ASB1: variants seen among roughly 807,000 people sequenced by gnomAD.
ASB1 encodes ankyrin repeat and SOCS box protein 1.
ASB1 carries 18 observed loss-of-function variants against 27.7 expected under a neutral mutation model. The observed-to-expected ratio is 0.65, with a 90% CI of 0.45 to 0.96. The LOEUF is 0.96. Ranked by LOEUF, ASB1 falls within the 50% of genes least tolerant of loss-of-function variation. ASB1 has a pLI of 0.00. For synonymous variants in ASB1, 189 were observed against 187.6 expected (o/e 1.01, Z -0.06); for missense variants, 397 against 451.7 (o/e 0.88, Z 1.10).
chr2:238,427,265 T>A, intron 1 of ASB1, 146 bp downstream of exon 1: 2 of 538,130 alleles, frequency 3.7e-6, no homozygotes, highest in Non-Finnish European at 5.6e-6. Context: ...AGGCCGGGGG[T>A]GGGGTTCAGC....
chr2:238,427,147 G>A, intron 1 of ASB1, 28 bp downstream of exon 1: 3 of 1,233,090 alleles, frequency 2.4e-6, no homozygotes, highest in Non-Finnish European at 3.0e-6. Context: ...ACTGGGCCGC[G>A]GGGCGTGTGG....
chr2:238,442,270 C>G (rs966607989), intron 3 of ASB1, among the ~76,000 whole-genome samples: 13 of 152,080 alleles, frequency 8.5e-5, no homozygotes, highest in African/African-American at 3.1e-4. Flanking sequence ...CACACCCACA[C>G]CCGGCTAATT....
intron 3 of ASB1, among the ~76,000 whole-genome samples, chr2:238,438,700 A>G (rs1181153089): frequency 6.6e-6 from 1 of 152,222 alleles, no homozygotes; most frequent in African/African-American, 2.4e-5. Context: ...TCTGGAAATA[A>G]CTTAGCTTCT....
At chr2:238,446,045 C>T (rs968807444) in intron 4 of ASB1, among the ~76,000 whole-genome samples, 1 of 152,244 alleles carries the variant, frequency 6.6e-6, no homozygotes, top group Non-Finnish European at 1.5e-5. Flanking sequence ...GTCCGCGGCC[C>T]GCACCTGCTG....
rs1702248672 is a variant in ASB1, at chr2:238,449,802, A to G, written c.*3291A>G. 6.6e-6 allele frequency: 1 copy of G among 152,218 alleles called. No homozygotes were observed. Among genetic ancestry groups the G allele is most frequent in the Non-Finnish European group, 1.5e-5 (1 of 68,038 alleles). 9.4% of individuals were successfully genotyped at this position (152,218 alleles called of 1,614,324 possible). ...TTAAAGAGAAGGAACAATTGTTTTT[A>G]GTAAGTTTTCTTTTTCCTTTTTCAA... On this transcript the variant is annotated 3_prime_UTR_variant, in exon 5 of 5. Transcript: ENST00000264607.
Position 238,426,962 on chromosome 2 carries a change from C to A in ASB1, c.-109C>A, listed in dbSNP as rs1017113083. On this transcript the variant is annotated 5_prime_UTR_variant, in exon 1 of 5. Transcript: ENST00000264607. ...GCGCGCGCCCGCCGGAAGCCGCGAC[C>A]CCGACGCGCCCCCCATTGCCCTCGG... 1 of 909,752 alleles carries A rather than the reference C, an allele frequency of 1.1e-6. No homozygotes were observed. Among genetic ancestry groups the A allele is most frequent in the Non-Finnish European group, 1.4e-6 (1 of 697,770 alleles). 56.4% of individuals were successfully genotyped at this position (909,752 alleles called of 1,614,324 possible).
chr2:238,450,486 G>A lies in ASB1; in HGVS notation c.*3975G>A, dbSNP rs1702261736. Reference sequence around the variant, plus strand: ...TGTCAGCCCCAGAATTTCTTCTTAAGTTCGCCTGTCTCTGAAATCCCAAAG... The same window carrying A: ...TGTCAGCCCCAGAATTTCTTCTTAAATTCGCCTGTCTCTGAAATCCCAAAG... On this transcript the variant is annotated 3_prime_UTR_variant, in exon 5 of 5. Coordinates refer to ENST00000264607, the MANE Select transcript of ASB1 (RefSeq NM_001040445.3). 1 of 152,222 alleles carries A rather than the reference G, an allele frequency of 6.6e-6. No homozygotes were observed. Among genetic ancestry groups the A allele is most frequent in the South Asian group, 2.1e-4 (1 of 4,830 alleles). 9.4% of individuals were successfully genotyped at this position (152,222 alleles called of 1,614,324 possible).
At chr2:238,428,256 T>A (rs533304842) in intron 1 of ASB1, among the ~76,000 whole-genome samples, 47 of 152,268 alleles carry the variant, frequency 3.1e-4, no homozygotes, top group Admixed American at 2.4e-3. Context: ...TAAAGAGAGT[T>A]CCTGGGGAAT....
intron 3 of ASB1, among the ~76,000 whole-genome samples, chr2:238,443,566 G>A (rs987230893): frequency 1.3e-5 from 2 of 152,220 alleles, no homozygotes; most frequent in African/African-American, 4.8e-5. Context: ...CTGGAAAGCA[G>A]GAGTCTGTCT....
At chr2:238,438,716 C>G (rs899649297) in intron 3 of ASB1, among the ~76,000 whole-genome samples, 1 of 152,230 alleles carries the variant, frequency 6.6e-6, no homozygotes, top group African/African-American at 2.4e-5. Flanking sequence ...CTTCTGCCTT[C>G]CCTGTGCCAG....
At chr2:238,427,241 G>A in intron 1 of ASB1, 122 bp downstream of exon 1, 1 of 719,240 alleles carries the variant, frequency 1.4e-6, no homozygotes, top group South Asian at 7.2e-5. Context: ...GGCAGCCAGG[G>A]AGCCGCACCC....
At chr2:238,436,957 C>T (rs946491155) in intron 3 of ASB1, among the ~76,000 whole-genome samples, 7 of 152,150 alleles carry the variant, frequency 4.6e-5, no homozygotes, top group Admixed American at 1.3e-4. Flanking sequence ...TCTATCAAAA[C>T]AAGAGTACTA....
intron 3 of ASB1, among the ~76,000 whole-genome samples, chr2:238,440,141 T>A (rs1021582911): frequency 1.3e-5 from 2 of 152,354 alleles, no homozygotes; most frequent in Admixed American, 1.3e-4. Context: ...TATTCTCGGC[T>A]CATCTTGCAC....
intron 3 of ASB1, among the ~76,000 whole-genome samples, chr2:238,436,452 G>A (rs1044923642): frequency 1.3e-5 from 2 of 151,958 alleles, no homozygotes; most frequent in African/African-American, 4.8e-5. Flanking sequence ...GGACCAGATA[G>A]TTTTCATTTT....
rs1382752240 is a variant in ASB1 at position 238,427,817 on chromosome 2, G to A, written c.49+698G>A. On this transcript the variant is annotated intron_variant, in intron 1 of 4. Transcript: ENST00000264607. ...GTGTGGTGGGAGTTCCTTCTTGCTG[G>A]ATTTCTGAGCTTGCCATTCGCGCCA... is the stretch of plus-strand genomic sequence containing the variant. 3 of 152,382 alleles carry A rather than the reference G, an allele frequency of 2.0e-5. No homozygotes were observed. The South Asian group carries it at 6.2e-4, about 31-fold the overall frequency. 9.4% of individuals were successfully genotyped at this position (152,382 alleles called of 1,614,324 possible).
In ASB1 at chr2:238,451,894, T is replaced by C. The variant is rs1702292882; in HGVS notation, c.*5383T>C. The stretch of plus-strand genomic sequence containing the variant: ...CAAGTGATTGGATAGAAAGAAGGGC[T>C]CTGAAGCAGGAGTTTTCACCTGCTC... On this transcript the variant is annotated 3_prime_UTR_variant, in exon 5 of 5. Transcript: ENST00000264607. 8.7e-6 allele frequency: 1 copy of C among 115,594 alleles called. No homozygotes were observed. Among genetic ancestry groups the C allele is most frequent in the Non-Finnish European group, 2.2e-5 (1 of 44,882 alleles). The allele number at this position is 115,594 out of a possible 1,614,324, so 7.2% of individuals were successfully genotyped here.
chr2:238,434,783 C>G (rs746369288), intron 2 of ASB1, among the ~76,000 whole-genome samples: 47 of 152,322 alleles, frequency 3.1e-4, no homozygotes, highest in Non-Finnish European at 5.7e-4. Context: ...CCAAGTCTTT[C>G]TATATTGCAT....
In ASB1 at chr2:238,446,544, A is replaced by G; in HGVS notation, c.*33A>G. 6.2e-7 allele frequency: 1 copy of G among 1,610,606 alleles called. No individual in the cohort carries two copies. Among genetic ancestry groups the G allele is most frequent in the Middle Eastern group, 1.7e-4 (1 of 6,002 alleles). ...GTGCTGCGGTTGATTCCAGTGAGGGAGAAAGTGATCTGCAGGGAGGTGGAC... is the reference window on the plus strand; with the variant it reads ...GTGCTGCGGTTGATTCCAGTGAGGGGGAAAGTGATCTGCAGGGAGGTGGAC... On this transcript the variant is annotated 3_prime_UTR_variant, in exon 5 of 5. Transcript: ENST00000264607.
Position 238,444,525 on chromosome 2 carries a change from C to G in ASB1, c.678C>G (p.Val226=). ...CTGACTTCAACTGCAATGGTCCTGT[C>G]AACACACAGGGATTCTACAGGGGCT... ...ANPDFNCNGP[V]NTQGFYRGSP... is the part of the protein sequence containing the mutation. The change falls in exon 4 of 5, where the codon GTC becomes GTG. Residue 226 remains valine (V), a synonymous_variant. Coordinates refer to ENST00000264607, the MANE Select transcript of ASB1 (RefSeq NM_001040445.3). The G allele has an allele frequency of 6.2e-7, 1 of 1,614,236 alleles. No homozygotes were observed. Among genetic ancestry groups the G allele is most frequent in the African/African-American group, 1.3e-5 (1 of 75,048 alleles).
Sources: gnomAD v4.1 joint callset for allele counts (sites outside exome capture counted in the v4.1 genomes callset) on GRCh38, gnomAD v4.1.1 for gene constraint, MANE v1.5 for transcripts, NCBI Gene and HGNC (gene_info 2026-07-23, HGNC 2026-07-21) for gene names.